Variants in HMGN3 observed in about 807,000 individuals in gnomAD.
The protein encoded by HMGN3 is high mobility group nucleosomal binding domain 3, also known as high mobility group nucleosome-binding domain-containing protein 3.
A neutral mutation model predicts 18.8 loss-of-function variants in HMGN3; 6 were observed. The ratio of observed to expected loss-of-function variants is 0.32; its 90% CI spans 0.18 to 0.63. HMGN3 has a LOEUF of 0.63. HMGN3 is among the 30% of genes least tolerant of loss of function. HMGN3 has a pLI of 0.79. For missense variants in HMGN3, 107 were observed against 114.2 expected, an observed-to-expected ratio of 0.94 and a Z score of 0.29; for synonymous variants, 40 against 36.5, an observed-to-expected ratio of 1.10 and a Z score of -0.35.
At chr6:79,220,870 G>C (rs1352380603) in intron 1 of HMGN3, among the ~76,000 whole-genome samples, 1 of 152,150 alleles carries the variant, frequency 6.6e-6, no homozygotes, top group African/African-American at 2.4e-5. Flanking sequence ...GTTATCTTTA[G>C]GGGGGATGAT....
At chr6:79,202,784 G>A (rs1211366153) in intron 4 of HMGN3, among the ~76,000 whole-genome samples, 1 of 152,206 alleles carries the variant, frequency 6.6e-6, no homozygotes, top group Non-Finnish European at 1.5e-5. Flanking sequence ...CTCTGTGGCT[G>A]CTTTCCAATG....
intron 2 of HMGN3, 114 bp from the exon 3 acceptor site, chr6:79,208,690 A>T: frequency 1.2e-6 from 1 of 842,208 alleles, no homozygotes; most frequent in Non-Finnish European, 2.1e-6. Context: ...ATAATGTATG[A>T]TTCCCATCAC....
At chr6:79,231,744 AC>A (rs774685193) in intron 1 of HMGN3, among the ~76,000 whole-genome samples, 7 of 152,190 alleles carry the variant, frequency 4.6e-5, no homozygotes, top group Non-Finnish European at 7.4e-5. Flanking sequence ...TTTGAGTCCT[AC>A]CCACACTTTT....
chr6:79,231,130 A>G (rs1197668625), intron 1 of HMGN3, among the ~76,000 whole-genome samples: 2 of 152,252 alleles, frequency 1.3e-5, no homozygotes, highest in Non-Finnish European at 2.9e-5. Context: ...TACACTAGAC[A>G]TTTAAAATAG....
At chr6:79,234,632 T>A in exon 1 of HMGN3, 1 of 1,501,764 alleles carries the variant, frequency 6.7e-7, no homozygotes. Flanking sequence ...GGATGCTGCC[T>A]CTGCCTCTGC....
chr6:79,232,085 TA>T (rs1777867103), intron 1 of HMGN3, among the ~76,000 whole-genome samples: 1 of 152,240 alleles, frequency 6.6e-6, no homozygotes, highest in Non-Finnish European at 1.5e-5. Context: ...AAAAAAGTAC[TA>T]GGGGGACATT....
At chr6:79,201,671 C>G in exon 6 of HMGN3, 1 of 1,523,306 alleles carries the variant, frequency 6.6e-7, no homozygotes, top group Non-Finnish European at 9.1e-7. Context: ...AAATCAACCC[C>G]AATTTTTCAT....
chr6:79,209,067 A>T (rs1173029294), intron 2 of HMGN3, among the ~76,000 whole-genome samples: 1 of 152,226 alleles, frequency 6.6e-6, no homozygotes, highest in East Asian at 1.9e-4. Context: ...TTAGAAATGA[A>T]AATGACTACA....
chr6:79,221,024 T>C (rs1337171707), intron 1 of HMGN3, among the ~76,000 whole-genome samples: 5 of 152,172 alleles, frequency 3.3e-5, no homozygotes, highest in Non-Finnish European at 7.3e-5. Flanking sequence ...TATTATATTA[T>C]TTCCTGGATT....
intron 1 of HMGN3, among the ~76,000 whole-genome samples, chr6:79,225,720 A>C (rs950136664): frequency 6.6e-6 from 1 of 152,204 alleles, no homozygotes; most frequent in African/African-American, 2.4e-5. Context: ...TTAATACTCT[A>C]AACAATCAAT....
At chr6:79,220,955 T>G (rs1468742907) in intron 1 of HMGN3, among the ~76,000 whole-genome samples, 4 of 152,102 alleles carry the variant, frequency 2.6e-5, no homozygotes, top group African/African-American at 7.2e-5. Flanking sequence ...AGGCCTGAAA[T>G]GAACAATGAT....
intron 2 of HMGN3, among the ~76,000 whole-genome samples, chr6:79,212,982 C>A (rs1412213796): frequency 6.6e-6 from 1 of 151,448 alleles, no homozygotes; most frequent in Non-Finnish European, 1.5e-5. Flanking sequence ...ACAGGTAGAG[C>A]CTTATCTAGA....
chr6:79,228,957 G>A (rs1022084954), intron 1 of HMGN3, among the ~76,000 whole-genome samples: 4 of 152,238 alleles, frequency 2.6e-5, no homozygotes, highest in African/African-American at 9.6e-5. Flanking sequence ...TTATGAAGGA[G>A]CTTCAACAAA....
chr6:79,211,101 T>A (rs548460287), intron 2 of HMGN3, among the ~76,000 whole-genome samples: 1 of 151,844 alleles, frequency 6.6e-6, no homozygotes, highest in East Asian at 1.9e-4. Flanking sequence ...ATTTTATGAC[T>A]TGCTACATAC....
intron 1 of HMGN3, among the ~76,000 whole-genome samples, chr6:79,217,100 G>A (rs1777029448): frequency 6.6e-6 from 1 of 152,116 alleles, no homozygotes; most frequent in Admixed American, 6.6e-5. Context: ...GAGAAACTTG[G>A]AAAGGCACTG....
At chr6:79,217,147 T>C (rs1777031361) in intron 1 of HMGN3, among the ~76,000 whole-genome samples, 1 of 152,194 alleles carries the variant, frequency 6.6e-6, no homozygotes, top group Non-Finnish European at 1.5e-5. Context: ...TGTGAATGCC[T>C]TCAGACAAAT....
rs1021560033 is a variant in HMGN3 at position 79,203,746 on chromosome 6, T to C, written c.97-116A>G. 10 of 771,062 alleles carry C rather than the reference T, an allele frequency of 1.3e-5. No individual in the cohort carries two copies. In the African/African-American group the frequency reaches 1.8e-4, roughly 14 times the overall value. 47.8% of individuals were successfully genotyped at this position (771,062 alleles called of 1,614,324 possible). ...ATCCATTTTGACATGGCTTTGGTCA[T>C]TAAAAAGTATTTCATCCTATTTTCA... On this transcript the variant is annotated intron_variant, in intron 3 of 5. Coordinates refer to ENST00000344726, the Ensembl canonical transcript of HMGN3.
chr6:79,217,851 G>A (rs1024847608), intron 1 of HMGN3, among the ~76,000 whole-genome samples: 1 of 152,216 alleles, frequency 6.6e-6, no homozygotes, highest in African/African-American at 2.4e-5. Context: ...AAAAGGCTGG[G>A]GGTGGATATA....
chr6:79,217,048 C>T (rs1374801838), intron 1 of HMGN3, among the ~76,000 whole-genome samples: 3 of 152,064 alleles, frequency 2.0e-5, no homozygotes, highest in Non-Finnish European at 4.4e-5. Flanking sequence ...CTCTAAACAC[C>T]GACCTAATAA....
Sources: gnomAD v4.1 joint callset for allele counts (sites outside exome capture counted in the v4.1 genomes callset) on GRCh38, gnomAD v4.1.1 for gene constraint, MANE v1.5 for transcripts, NCBI Gene and HGNC (gene_info 2026-07-23, HGNC 2026-07-21) for gene names.